Variants in POC1A observed in about 807,000 individuals in gnomAD.
POC1A encodes POC1 centriolar protein A.
Under a neutral mutation model 47.8 loss-of-function variants are expected in POC1A, and 34 were observed. The ratio of observed to expected loss-of-function variants is 0.71; its 90% CI spans 0.54 to 0.95. The LOEUF is 0.95. Ranked by LOEUF, POC1A falls within the 40% of genes least tolerant of loss-of-function variation. The probability of loss-of-function intolerance (pLI) is 0.00; values close to 1 mark genes in which losing one functional copy is unlikely to be tolerated. For synonymous variants in POC1A, 177 were observed against 207.6 expected, an observed-to-expected ratio of 0.85 and a Z score of 1.27; for missense variants, 466 against 528.3, an observed-to-expected ratio of 0.88 and a Z score of 1.16.
intron 6 of POC1A, among the ~76,000 whole-genome samples, 180 bp from the exon 7 acceptor site, chr3:52,138,482 A>G (rs1698063167): frequency 1.3e-5 from 2 of 152,204 alleles, no homozygotes; most frequent in Admixed American, 6.5e-5. Flanking sequence ...GAGGGGCACA[A>G]TCGAAGAACA....
At chr3:52,143,521 C>T (rs1698266521) in intron 6 of POC1A, among the ~76,000 whole-genome samples, 1 of 152,182 alleles carries the variant, frequency 6.6e-6, no homozygotes, top group Admixed American at 6.5e-5. Flanking sequence ...ACTCTGGCTG[C>T]TTTGTGGACC....
At chr3:52,153,554 T>A (rs1396538983) in intron 1 of POC1A, among the ~76,000 whole-genome samples, 1 of 152,192 alleles carries the variant, frequency 6.6e-6, no homozygotes, top group Non-Finnish European at 1.5e-5. Flanking sequence ...TGAAAGAACA[T>A]GCGTAAGAGA....
intron 9 of POC1A, among the ~76,000 whole-genome samples, chr3:52,100,990 G>A (rs1341515434): frequency 6.6e-6 from 1 of 151,270 alleles, no homozygotes; most frequent in Non-Finnish European, 1.5e-5. Flanking sequence ...TGAGGAAGGA[G>A]CAGGACCGCT....
chr3:52,107,720 A>T (rs1468977383), intron 9 of POC1A, among the ~76,000 whole-genome samples: 1 of 152,246 alleles, frequency 6.6e-6, no homozygotes, highest in East Asian at 1.9e-4. Context: ...CTTTTATATT[A>T]AACTGCTTTG....
At chr3:52,123,845 G>A (rs1162778680) in intron 8 of POC1A, among the ~76,000 whole-genome samples, 7 of 152,166 alleles carry the variant, frequency 4.6e-5, no homozygotes, top group Non-Finnish European at 8.8e-5. Flanking sequence ...ATTCTACCAT[G>A]ACTCTATTTA....
chr3:52,149,125 G>T, intron 4 of POC1A, 85 bp downstream of exon 4: 1 of 1,170,590 alleles, frequency 8.5e-7, no homozygotes, highest in Non-Finnish European at 1.3e-6. Flanking sequence ...CTTGCCCGAG[G>T]TCATAAGTTG....
At chr3:52,113,839 A>G (rs1465013523) in intron 9 of POC1A, among the ~76,000 whole-genome samples, 1 of 152,216 alleles carries the variant, frequency 6.6e-6, no homozygotes, top group Non-Finnish European at 1.5e-5. Flanking sequence ...CACGAATTCT[A>G]TTGAGATAAA....
intron 9 of POC1A, among the ~76,000 whole-genome samples, chr3:52,106,396 G>A (rs988148924): frequency 3.9e-5 from 6 of 152,150 alleles, no homozygotes; most frequent in African/African-American, 9.7e-5. Context: ...GATGGCATGC[G>A]CCTGTAGTCC....
At chr3:52,086,667 C>T (rs536825760) in intron 10 of POC1A, among the ~76,000 whole-genome samples, 38 of 152,334 alleles carry the variant, frequency 2.5e-4, no homozygotes, top group African/African-American at 9.1e-4. Flanking sequence ...CCTCTGCAGA[C>T]AGGGCCTGCA....
chr3:52,112,803 G>C (rs768223902), intron 9 of POC1A, among the ~76,000 whole-genome samples: 18 of 152,278 alleles, frequency 1.2e-4, no homozygotes, highest in South Asian at 4.1e-4. Context: ...TAGAAACTTC[G>C]AAGATAAAGA....
In POC1A at chr3:52,101,319, T is replaced by C. The variant is rs571190284; in HGVS notation, c.982-4607A>G. Among the ~76,000 whole-genome samples, 10 of 152,106 alleles carry C rather than the reference T, an allele frequency of 6.6e-5. No homozygotes were observed. The East Asian group carries it at 1.9e-3, about 29-fold the overall frequency. On this transcript the variant is annotated intron_variant, in intron 9 of 10. Transcript: ENST00000296484. ...CTAAGCTCAACTCCTGATAAGACTA[T>C]TTACCTCAGTCTTTACTGTCCTAAG...
intron 2 of POC1A, 102 bp from the exon 3 acceptor site, chr3:52,150,089 T>G (rs112566473): frequency 1.1e-6 from 1 of 881,976 alleles, no homozygotes; most frequent in Admixed American, 2.4e-5. Context: ...AGCTCCATCT[T>G]CCCTGGCATC....
At chr3:52,113,824 C>T (rs943305418) in intron 9 of POC1A, among the ~76,000 whole-genome samples, 1 of 152,240 alleles carries the variant, frequency 6.6e-6, no homozygotes, top group Non-Finnish European at 1.5e-5. Context: ...ACCCAGAGCA[C>T]TTTCCACGAA....
chr3:52,151,596 G>A lies in POC1A; in HGVS notation c.19-496C>T, dbSNP rs1316571870. On this transcript the variant is annotated intron_variant, in intron 1 of 10. Coordinates refer to ENST00000296484, the MANE Select transcript of POC1A (RefSeq NM_015426.5). ...ACTGCACTCCAGCCTGGGTGACAGA[G>A]CGAGACTCCGTCTCAAAAAAAAAAA... 5.6e-5 allele frequency among the ~76,000 whole-genome samples: 8 copies of A among 144,022 alleles called. No homozygotes were observed. The East Asian group carries it at 1.6e-3, about 29-fold the overall frequency. 94.5% of individuals were successfully genotyped at this position (144,022 alleles called of 152,430 possible).
chr3:52,105,497 A>T (rs971939288), intron 9 of POC1A, among the ~76,000 whole-genome samples: 3 of 152,226 alleles, frequency 2.0e-5, no homozygotes, highest in Admixed American at 1.3e-4. Flanking sequence ...AGCAGGGAAC[A>T]CACCGAGCTC....
At chr3:52,106,127 G>A (rs1703173153) in intron 9 of POC1A, among the ~76,000 whole-genome samples, 1 of 150,278 alleles carries the variant, frequency 6.7e-6, no homozygotes. Flanking sequence ...CCTGGGAGGC[G>A]GAGCTTGCAG....
Position 52,079,243 on chromosome 3 carries a change from A to G in POC1A, c.1126-3258T>C, listed in dbSNP as rs1320474561. Among the ~76,000 whole-genome samples the G allele has an allele frequency of 6.6e-6, 1 of 152,242 alleles. No individual in the cohort carries two copies. Among genetic ancestry groups the G allele is most frequent in the East Asian group, 1.9e-4 (1 of 5,204 alleles). Reference sequence around the variant, plus strand: ...CAGAAAATACATGCTACCTCGGTGTACACAGGCCACTGCCATTTCCACCTG... The same window carrying G: ...CAGAAAATACATGCTACCTCGGTGTGCACAGGCCACTGCCATTTCCACCTG... On this transcript the variant is annotated intron_variant, in intron 10 of 10. Coordinates refer to ENST00000296484, the MANE Select transcript of POC1A (RefSeq NM_015426.5). This position sits in a 1 kb window ranked among gnomAD's most constrained non-coding sequence, Gnocchi z 4.6.
chr3:52,140,113 G>A (rs776769307), intron 6 of POC1A, among the ~76,000 whole-genome samples: 27 of 152,200 alleles, frequency 1.8e-4, no homozygotes, highest in Non-Finnish European at 1.9e-4. Flanking sequence ...CACCCAACAC[G>A]AAACGGCCCT....
At chr3:52,120,289 C>T (rs920732673) in intron 9 of POC1A, among the ~76,000 whole-genome samples, 3 of 152,042 alleles carry the variant, frequency 2.0e-5, no homozygotes, top group African/African-American at 7.2e-5. Context: ...CAAGGCAAAA[C>T]AAACTAAAAA....
Sources: gnomAD v4.1 joint callset for allele counts (sites outside exome capture counted in the v4.1 genomes callset) on GRCh38, gnomAD v4.1.1 for gene constraint, Gnocchi (gnomAD v3.1) non-coding constraint, MANE v1.5 for transcripts, NCBI Gene and HGNC (gene_info 2026-07-23, HGNC 2026-07-21) for gene names.